DUSP4: variants seen among roughly 807,000 people sequenced by gnomAD.
The protein encoded by DUSP4 is dual specificity protein phosphatase 4.
Under a neutral mutation model 27.2 loss-of-function variants are expected in DUSP4, and 12 were observed. That is an observed-to-expected ratio of 0.44 (90% CI 0.28 to 0.71). The LOEUF (loss-of-function observed/expected upper bound fraction) is 0.71, where lower values mean the gene tolerates loss of function less well. Among genes scored for constraint, DUSP4 ranks in the 30% least tolerant of loss-of-function variants. DUSP4 has a pLI of 0.14. For missense variants in DUSP4, 448 were observed against 551.3 expected, an observed-to-expected ratio of 0.81 and a Z score of 1.88; for synonymous variants, 257 against 245.2, an observed-to-expected ratio of 1.05 and a Z score of -0.45.
At chr8:29,342,825 T>C (rs1401939626) in intron 1 of DUSP4, among the ~76,000 whole-genome samples, 1 of 152,150 alleles carries the variant, frequency 6.6e-6, no homozygotes, top group East Asian at 1.9e-4. Flanking sequence ...AGAAAAATGA[T>C]TACAGAAAAG....
In DUSP4 at chr8:29,350,613, G is replaced by A; in HGVS notation, c.-335C>T. 1 of 294,884 alleles carries A rather than the reference G, an allele frequency of 3.4e-6. No individual in the cohort carries two copies. Among genetic ancestry groups the A allele is most frequent in the Non-Finnish European group, 6.2e-6 (1 of 160,200 alleles). The allele number at this position is 294,884 out of a possible 1,614,324, so 18.3% of individuals were successfully genotyped here. A position where few individuals can be genotyped will look rare whatever the true frequency, so the allele number is the denominator to read the frequency against. The stretch of plus-strand genomic sequence containing the variant: ...CCCGTGTATTTTTGCCGGTCGCGCG[G>A]CTCCTGTCGCCACTGGCGCCAGCGC... On this transcript the variant is annotated 5_prime_UTR_variant, in exon 1 of 4. Transcript: ENST00000240100.
Position 29,338,298 on chromosome 8 carries a change from T to C in DUSP4, c.783A>G (p.Glu261=). The C allele has an allele frequency of 6.2e-7, 1 of 1,614,092 alleles. No homozygotes were observed. The highest frequency in any genetic ancestry group is 8.5e-7 in the Non-Finnish European group (1 of 1,180,006). Residue 261 remains glutamate (E), a synonymous_variant, in exon 3 of 4, where the codon GAA becomes GAG. Transcript: ENST00000240100. ...CCAGCCTACCGATGTACTCTATGGC[T>C]TCCATGAACCAGGAGCTGATGTCGG... ...HKADISSWFM[E]AIEYIDAVKD... is the part of the protein sequence containing the mutation.
At chr8:29,345,753 A>G (rs2117274811) in intron 1 of DUSP4, 2 of 1,312,516 alleles carry the variant, frequency 1.5e-6, no homozygotes, top group East Asian at 3.3e-5. Flanking sequence ...AAAGGGTCAA[A>G]TTTCACTCTC....
Position 29,338,301 on chromosome 8 carries a change from C to G in DUSP4, c.780G>C (p.Met260Ile). Residue 260 changes from methionine to isoleucine, a missense_variant, in exon 3 of 4, where the codon ATG (methionine) becomes ATC (isoleucine). Met to Ile is a conservative substitution (Grantham distance 10). This residue lies in a region of DUSP4 where 345 missense variants were observed against 394.0 expected (regional missense o/e 0.88). Transcript: ENST00000240100. The part of the protein sequence containing the change: ...NHKADISSWF[M>I]EAIEYIDAVK... ...GCCTACCGATGTACTCTATGGCTTC[C>G]ATGAACCAGGAGCTGATGTCGGCCT... 6.2e-7 allele frequency: 1 copy of G among 1,614,230 alleles called. No homozygotes were observed. Among genetic ancestry groups the G allele is most frequent in the African/African-American group, 1.3e-5 (1 of 75,048 alleles).
At chr8:29,343,328 T>C (rs1817682767) in intron 1 of DUSP4, among the ~76,000 whole-genome samples, 2 of 152,168 alleles carry the variant, frequency 1.3e-5, no homozygotes, top group African/African-American at 4.8e-5. Flanking sequence ...TGGTGGGCCC[T>C]GGGCTGCACT....
At position 29,337,200 on chromosome 8, in the gene DUSP4, C is replaced by T. The variant is rs368120060; in HGVS notation, c.1011G>A (p.Thr337=). The T allele has an allele frequency of 1.6e-5, 26 of 1,613,370 alleles. No individual in the cohort carries two copies. Among genetic ancestry groups the T allele is most frequent in the Middle Eastern group, 1.6e-4 (1 of 6,082 alleles). The change falls in exon 4 of 4, where the codon ACG becomes ACA. Residue 337 remains threonine, a synonymous_variant. Transcript: ENST00000240100. The surrounding 1 kb of genome is among the most constrained non-coding windows in gnomAD (Gnocchi z 6.4). ...GGCTAGCAGCCTCCGCAGCACAGGA[C>T]GTGGCCAGCACCTGGGACTCGAACT... ...LLQFESQVLA[T]SCAAEAASPS...
At chr8:29,343,255 G>A (rs1252722501) in intron 1 of DUSP4, among the ~76,000 whole-genome samples, 1 of 152,186 alleles carries the variant, frequency 6.6e-6, no homozygotes, top group South Asian at 2.1e-4. Flanking sequence ...CCTGACAGTG[G>A]TGGCCAGCTT....
chr8:29,348,628 C>T (rs1817773483), intron 1 of DUSP4: 1 of 985,418 alleles, frequency 1.0e-6, no homozygotes, highest in African/African-American at 1.7e-5. Context: ...CTCCTCCGCA[C>T]TGAACAGTTT....
intron 1 of DUSP4, chr8:29,345,349 C>A (rs1817715357): frequency 1.9e-6 from 3 of 1,612,908 alleles, no homozygotes; most frequent in East Asian, 4.5e-5. Flanking sequence ...TATTTAAAAT[C>A]CAACTAAGTG....
chr8:29,345,903 T>C, intron 1 of DUSP4: 3 of 954,546 alleles, frequency 3.1e-6, no homozygotes, highest in Non-Finnish European at 3.7e-6. Flanking sequence ...TCCTTGGCTG[T>C]CATGGGCATT....
chr8:29,349,947 C>T lies in DUSP4; in HGVS notation c.332G>A (p.Arg111His). The T allele has an allele frequency of 1.3e-6, 2 of 1,593,680 alleles. No homozygotes were observed. Among genetic ancestry groups the T allele is most frequent in the Non-Finnish European group, 1.7e-6 (2 of 1,174,144 alleles). The change falls in exon 1 of 4, where the codon CGC becomes CAC. Residue 111 changes from arginine (R) to histidine (H), a missense_variant. Physicochemically the swap from Arg to His is conservative, Grantham distance 29. Transcript: ENST00000240100. ...GCGGAGGCTCTCGGCGCGCGGGCTG[C>T]GCTCGTCGTAGACGATGACCGCCGA... is the stretch of plus-strand genomic sequence containing the variant. ...LYSAVIVYDE[R>H]SPRAESLRED... is the part of the protein sequence containing the mutation.
Position 29,346,285 on chromosome 8 carries a change from C to A in DUSP4, c.433+3561G>T, listed in dbSNP as rs529367416. On this transcript the variant is annotated intron_variant, in intron 1 of 3. Coordinates refer to ENST00000240100, the MANE Select transcript of DUSP4 (RefSeq NM_001394.7). ...AACTGGAATATCTAGATGATCTTCC[C>A]CATTTCTCCAACAGCTCCAGGACAG... is the stretch of plus-strand genomic sequence containing the variant. 2.6e-5 allele frequency among the ~76,000 whole-genome samples: 4 copies of A among 152,226 alleles called. No individual in the cohort carries two copies. In the East Asian group the frequency reaches 7.7e-4, roughly 29 times the overall value.
intron 1 of DUSP4, among the ~76,000 whole-genome samples, chr8:29,342,890 G>A (rs1334371627): frequency 6.6e-6 from 1 of 152,232 alleles, no homozygotes; most frequent in African/African-American, 2.4e-5. Context: ...AAGGTGAGCT[G>A]GGCGCGGTGG....
At chr8:29,346,063 G>A in intron 1 of DUSP4, 3 of 985,188 alleles carry the variant, frequency 3.0e-6, no homozygotes, top group Non-Finnish European at 3.6e-6. Context: ...GACAGAGAGA[G>A]CAATGGTGGG....
chr8:29,341,468 T>C (rs1055755861), intron 1 of DUSP4, among the ~76,000 whole-genome samples: 3 of 152,216 alleles, frequency 2.0e-5, no homozygotes, highest in African/African-American at 7.2e-5. Flanking sequence ...ATGAGGCTTA[T>C]AGAAACAGGG....
At chr8:29,345,773 C>G (rs557756934) in intron 1 of DUSP4, 259 of 1,282,152 alleles carry the variant, frequency 2.0e-4, no homozygotes, top group Non-Finnish European at 2.4e-4. Context: ...CAATTTACAC[C>G]TACATCTGTC....
rs1373985659 is a variant in DUSP4, at chr8:29,349,923, C to T, written c.356G>A (p.Arg119His). 1.3e-6 allele frequency: 2 copies of T among 1,592,308 alleles called. No individual in the cohort carries two copies. Among genetic ancestry groups the T allele is most frequent in the Non-Finnish European group, 8.5e-7 (1 of 1,173,794 alleles). ...CACCAGCGACACGGTGCTGTCCTCG[C>T]GGAGGCTCTCGGCGCGCGGGCTGCG... is the stretch of plus-strand genomic sequence containing the variant. ...DERSPRAESLREDSTVSLVVQ... is the reference protein window; with the variant it reads ...DERSPRAESLHEDSTVSLVVQ... The change falls in exon 1 of 4, where the codon CGC becomes CAC. Residue 119 changes from arginine (R) to histidine (H), a missense_variant. Coordinates refer to ENST00000240100, the MANE Select transcript of DUSP4 (RefSeq NM_001394.7).
intron 1 of DUSP4, 118 bp from the exon 2 acceptor site, chr8:29,340,361 A>G (rs1486049246): frequency 7.5e-7 from 1 of 1,330,642 alleles, no homozygotes; most frequent in Non-Finnish European, 1.0e-6. Context: ...GGCGTGCTCC[A>G]TATTGGCCAC....
At chr8:29,342,125 C>G (rs1010546146) in intron 1 of DUSP4, among the ~76,000 whole-genome samples, 1 of 152,052 alleles carries the variant, frequency 6.6e-6, no homozygotes, top group African/African-American at 2.4e-5. Context: ...GCAGGCCCCA[C>G]GGTCACAGAG....
Sources: gnomAD v4.1 joint callset for allele counts (sites outside exome capture counted in the v4.1 genomes callset) on GRCh38, gnomAD v4.1.1 for gene constraint, gnomAD v4.1.1 regional missense constraint, Gnocchi (gnomAD v3.1) non-coding constraint, MANE v1.5 for transcripts, NCBI Gene and HGNC (gene_info 2026-07-23, HGNC 2026-07-21) for gene names.